SYNPR: variants seen among roughly 807,000 people sequenced by gnomAD.
SYNPR encodes the protein synaptoporin.
SYNPR carries 23 observed loss-of-function variants against 32.9 expected under a neutral mutation model. The ratio of observed to expected loss-of-function variants is 0.70; its 90% CI spans 0.50 to 0.99. The LOEUF (loss-of-function observed/expected upper bound fraction) is 0.99. SYNPR is among the 50% of genes least tolerant of loss of function. The pLI, the probability that SYNPR is intolerant of heterozygous loss-of-function variation, is 0.00. For synonymous variants in SYNPR, 146 were observed against 135.9 expected (o/e 1.07, Z -0.52); for missense variants, 318 against 349.3 (o/e 0.91, Z 0.71).
chr3:63,216,845 T>C, the SYNPR span, among the ~76,000 whole-genome samples: 1 of 51,374 alleles, frequency 1.9e-5, no homozygotes, highest in Non-Finnish European at 4.9e-5. Context: ...TGGTTTTATC[T>C]GCTTTTGGTC....
intron 2 of SYNPR, among the ~76,000 whole-genome samples, chr3:63,447,034 AG>A (rs1267569998): frequency 1.3e-5 from 2 of 152,156 alleles, no homozygotes; most frequent in Admixed American, 6.5e-5. Context: ...TTAAAAAAAA[AG>A]TCATAATTGG....
intron 2 of SYNPR, among the ~76,000 whole-genome samples, chr3:63,346,723 G>A (rs149145150): frequency 2.6e-4 from 39 of 152,054 alleles, no homozygotes; most frequent in African/African-American, 8.9e-4. Context: ...CACCCACCTC[G>A]GCCTCCCAAA....
chr3:63,544,883 C>A (rs1249346700), intron 3 of SYNPR, among the ~76,000 whole-genome samples: 2 of 152,024 alleles, frequency 1.3e-5, no homozygotes, highest in Non-Finnish European at 2.9e-5. Context: ...TTCACACACA[C>A]ACACACACAA....
At chr3:63,614,390 G>A (rs1394636165) in intron 5 of SYNPR, among the ~76,000 whole-genome samples, 1 of 152,196 alleles carries the variant, frequency 6.6e-6, no homozygotes, top group Non-Finnish European at 1.5e-5. Flanking sequence ...CATCAAACCT[G>A]AGGCCCTGGG....
chr3:63,251,825 T>C (rs1180624765), intron 1 of SYNPR, among the ~76,000 whole-genome samples: 1 of 152,036 alleles, frequency 6.6e-6, no homozygotes, highest in Non-Finnish European at 1.5e-5. Context: ...CTGTTCTATA[T>C]AAACCTCAGG....
intron 2 of SYNPR, among the ~76,000 whole-genome samples, chr3:63,428,858 C>T (rs1405319267): frequency 6.6e-6 from 1 of 152,226 alleles, no homozygotes. Context: ...GATTTCACTT[C>T]TGCCGTATGC....
intron 3 of SYNPR, among the ~76,000 whole-genome samples, chr3:63,492,715 T>G (rs1467099354): frequency 6.6e-6 from 1 of 152,186 alleles, no homozygotes; most frequent in Non-Finnish European, 1.5e-5. Context: ...TCACTGTGTG[T>G]AATTTTACAG....
chr3:63,251,906 A>C (rs2086335113), intron 1 of SYNPR, among the ~76,000 whole-genome samples: 1 of 152,130 alleles, frequency 6.6e-6, no homozygotes, highest in South Asian at 2.1e-4. Context: ...TCAGGAGAAT[A>C]GAATCCTAAG....
intron 2 of SYNPR, among the ~76,000 whole-genome samples, chr3:63,314,805 A>C (rs914938475): frequency 4.6e-5 from 7 of 151,982 alleles, no homozygotes; most frequent in Admixed American, 1.3e-4. Flanking sequence ...TGCCTAAGCC[A>C]ATGTGTAGAA....
intron 4 of SYNPR, among the ~76,000 whole-genome samples, chr3:63,580,945 C>T (rs573459973): frequency 6.6e-6 from 1 of 152,216 alleles, no homozygotes; most frequent in Non-Finnish European, 1.5e-5. Context: ...GTAGTATTGC[C>T]CATTTCACAG....
chr3:63,425,905 C>G (rs1388658414), intron 2 of SYNPR, among the ~76,000 whole-genome samples: 2 of 151,908 alleles, frequency 1.3e-5, no homozygotes, highest in Admixed American at 1.3e-4. Context: ...GCCTCAGCCT[C>G]CTGAGTAGCT....
chr3:63,259,572 C>T (rs1283320464), intron 2 of SYNPR, among the ~76,000 whole-genome samples: 20 of 152,226 alleles, frequency 1.3e-4, no homozygotes, highest in Non-Finnish European at 1.3e-4. Flanking sequence ...TGGGACGTAT[C>T]TCAAAATAAT....
Position 63,354,935 on chromosome 3 carries a change from T to C in SYNPR, c.84+76193T>C, listed in dbSNP as rs1359262836. 2.0e-5 allele frequency among the ~76,000 whole-genome samples: 3 copies of C among 152,146 alleles called. No individual in the cohort carries two copies. The East Asian group carries it at 5.8e-4, about 29-fold the overall frequency. On this transcript the variant is annotated intron_variant, in intron 2 of 5. Coordinates refer to ENST00000478300, the MANE Select transcript of SYNPR (RefSeq NM_001130003.2). The stretch of plus-strand genomic sequence containing the variant: ...GCTGGGGAGTACGTATGCTTTGCCT[T>C]TTGCAAATAAAGAAACAGAAGTTCA...
chr3:63,288,783 A>T (rs2106927604), intron 2 of SYNPR, among the ~76,000 whole-genome samples: 1 of 152,302 alleles, frequency 6.6e-6, no homozygotes, highest in South Asian at 2.1e-4. Context: ...GTAGTAGGAA[A>T]CTAATTACTC....
rs78133151 is a variant in SYNPR at position 63,412,233 on chromosome 3, G to A, written c.85-68599G>A. ...TGTCTTCAGGTCTGGCACATGCTGA[G>A]ACTGGGGTGTCTCTGAAGCATTCAA... On this transcript the variant is annotated intron_variant, in intron 2 of 5. Transcript: ENST00000478300. Among the ~76,000 whole-genome samples, 779 of 152,268 alleles carry A rather than the reference G, an allele frequency of 5.1e-3. 5 individuals are homozygous for A. The highest frequency in any genetic ancestry group is 0.012 in the South Asian group (58 of 4,830).
At chr3:63,369,878 A>G (rs752988364) in intron 2 of SYNPR, among the ~76,000 whole-genome samples, 38 of 152,336 alleles carry the variant, frequency 2.5e-4, no homozygotes, top group Middle Eastern at 3.4e-3. Context: ...ATTTGAGTTC[A>G]TGAAGACTAA....
chr3:63,203,859 AGTG>A, the SYNPR span, among the ~76,000 whole-genome samples: 41 of 152,128 alleles, frequency 2.7e-4, no homozygotes, highest in East Asian at 7.6e-3. Flanking sequence ...ATTAGCTGGA[AGTG>A]GTGGTGGATG....
At chr3:63,243,882 C>T (rs1280006023) in intron 1 of SYNPR, among the ~76,000 whole-genome samples, 2 of 151,614 alleles carry the variant, frequency 1.3e-5, no homozygotes, top group Non-Finnish European at 2.9e-5. Flanking sequence ...AAAACAAAAA[C>T]AAAAACAAAA....
chr3:63,262,004 G>A (rs2086442005), intron 2 of SYNPR, among the ~76,000 whole-genome samples: 1 of 138,656 alleles, frequency 7.2e-6, no homozygotes, highest in South Asian at 2.4e-4. Flanking sequence ...TTGTGCACAT[G>A]TACCCTAAAA....
Sources: allele counts gnomAD v4.1 joint callset (sites outside exome capture counted in the v4.1 genomes callset), GRCh38; gene constraint gnomAD v4.1.1; transcripts MANE v1.5; gene names NCBI Gene and HGNC (gene_info 2026-07-23, HGNC 2026-07-21).